Variants in OSBPL1A observed in about 807,000 individuals in gnomAD.
The protein encoded by OSBPL1A is oxysterol binding protein like 1A.
A neutral mutation model predicts 137.1 loss-of-function variants in OSBPL1A; 80 were observed. The ratio of observed to expected loss-of-function variants is 0.58; its 90% CI spans 0.49 to 0.70. The LOEUF is 0.70. OSBPL1A is among the 30% of genes least tolerant of loss of function. OSBPL1A has a pLI of 0.00. For missense variants in OSBPL1A, 970 were observed against 1,129.4 expected (o/e 0.86, Z 2.02); for synonymous variants, 365 against 389.7 (o/e 0.94, Z 0.75).
intron 14 of OSBPL1A, among the ~76,000 whole-genome samples, chr18:24,283,942 C>A (rs2090015480): frequency 6.6e-6 from 1 of 151,696 alleles, no homozygotes; most frequent in Admixed American, 6.6e-5. Flanking sequence ...AAAAAATATT[C>A]CAAATATATA....
intron 1 of OSBPL1A, among the ~76,000 whole-genome samples, chr18:24,379,660 GAGTTTGAGACC>G (rs1229602643): frequency 1.3e-5 from 2 of 151,940 alleles, no homozygotes; most frequent in African/African-American, 4.8e-5. Context: ...TTGAGGCCAG[GAGTTTGAGACC>G]AGCCTAATAC....
At chr18:24,260,701 G>T (rs76387937) in intron 15 of OSBPL1A, among the ~76,000 whole-genome samples, 1 of 152,112 alleles carries the variant, frequency 6.6e-6, no homozygotes, top group East Asian at 1.9e-4. Context: ...GTGGAATGAT[G>T]AAAATGTTTT....
intron 17 of OSBPL1A, among the ~76,000 whole-genome samples, chr18:24,218,804 ATAGTT>A (rs1222352167): frequency 8.5e-5 from 13 of 152,214 alleles, no homozygotes; most frequent in African/African-American, 2.7e-4. Flanking sequence ...ACTAGAGAGT[ATAGTT>A]TAAAGTGTTC....
intron 14 of OSBPL1A, 86 bp downstream of exon 14, chr18:24,303,551 G>C (rs974208639): frequency 1.8e-6 from 2 of 1,104,552 alleles, no homozygotes; most frequent in Non-Finnish European, 2.6e-6. Context: ...ACCAAAAACT[G>C]TTTAAAAATG....
intron 1 of OSBPL1A, among the ~76,000 whole-genome samples, chr18:24,382,433 T>C (rs780783298): frequency 2.1e-4 from 30 of 143,298 alleles, no homozygotes; most frequent in Non-Finnish European, 4.1e-4. Flanking sequence ...AAAAATTTGC[T>C]GGGCATAGTG....
chr18:24,208,447 G>A (rs2087435972), intron 17 of OSBPL1A, among the ~76,000 whole-genome samples: 1 of 152,162 alleles, frequency 6.6e-6, no homozygotes, highest in Admixed American at 6.5e-5. Context: ...AAATTCCATT[G>A]TTAGAAATTT....
rs561033321 is a variant in OSBPL1A, at chr18:24,259,129, G to A, written c.1282-19747C>T. Among the ~76,000 whole-genome samples the A allele has an allele frequency of 2.5e-4, 38 of 151,754 alleles. No individual in the cohort carries two copies. In the South Asian group the frequency reaches 7.3e-3, roughly 29 times the overall value. ...AGAGACGGGGTTTCACCATGGTCTC[G>A]ATCTCCTGACCTCGTGATCCGCCTG... On this transcript the variant is annotated intron_variant, in intron 15 of 27. Transcript: ENST00000319481.
chr18:24,206,237 C>T (rs1013436332), intron 17 of OSBPL1A, among the ~76,000 whole-genome samples: 6 of 152,152 alleles, frequency 3.9e-5, no homozygotes, highest in Non-Finnish European at 8.8e-5. Context: ...TGGCTGTCAC[C>T]TGGGACCAGA....
chr18:24,273,538 G>C (rs543834968), intron 15 of OSBPL1A, among the ~76,000 whole-genome samples: 1 of 152,188 alleles, frequency 6.6e-6, no homozygotes, highest in Non-Finnish European at 1.5e-5. Context: ...ATATTCATTT[G>C]TTCAAGGTCG....
At chr18:24,201,570 C>G (rs1011684973) in intron 17 of OSBPL1A, among the ~76,000 whole-genome samples, 1 of 152,124 alleles carries the variant, frequency 6.6e-6, no homozygotes, top group Non-Finnish European at 1.5e-5. Context: ...TGAGACCAGC[C>G]TGGCCAACAT....
intron 7 of OSBPL1A, among the ~76,000 whole-genome samples, chr18:24,329,111 G>C (rs957523343): frequency 2.0e-5 from 3 of 152,178 alleles, no homozygotes; most frequent in African/African-American, 7.2e-5. Flanking sequence ...GCCAGACATA[G>C]TGGCATGCAT....
intron 27 of OSBPL1A, among the ~76,000 whole-genome samples, chr18:24,163,631 T>C (rs930123393): frequency 1.3e-5 from 2 of 152,200 alleles, no homozygotes; most frequent in Non-Finnish European, 2.9e-5. Flanking sequence ...AGGCATTTTT[T>C]TAAGTAGTTG....
At chr18:24,178,794 A>T (rs996811539) in intron 20 of OSBPL1A, among the ~76,000 whole-genome samples, 79 of 152,320 alleles carry the variant, frequency 5.2e-4, no homozygotes, top group Middle Eastern at 3.4e-3. Flanking sequence ...ACATTAGAGA[A>T]ATCTAGTGTG....
At chr18:24,328,417 T>C (rs979554475) in intron 7 of OSBPL1A, among the ~76,000 whole-genome samples, 1 of 151,938 alleles carries the variant, frequency 6.6e-6, no homozygotes, top group African/African-American at 2.4e-5. Flanking sequence ...TCCTTTTCCA[T>C]TGACTGTCTT....
intron 14 of OSBPL1A, among the ~76,000 whole-genome samples, chr18:24,294,019 T>A (rs940696718): frequency 2.0e-5 from 3 of 152,154 alleles, no homozygotes; most frequent in African/African-American, 7.2e-5. Context: ...CAGTTTTAAG[T>A]AGGCTAAATA....
At position 24,318,631 on chromosome 18, in the gene OSBPL1A, T is replaced by A. The variant is rs201971268; in HGVS notation, c.702A>T (p.Ala234=). 1.2e-6 allele frequency: 2 copies of A among 1,610,424 alleles called. No individual in the cohort carries two copies. Among genetic ancestry groups the A allele is most frequent in the Admixed American group, 1.7e-5 (1 of 59,822 alleles). Residue 234 remains alanine (A), a synonymous_variant, in exon 9 of 28, where the codon GCA becomes GCT. Transcript: ENST00000319481. ...AGAGAGGGCCCTCATATCGTTTCAATGCTTTGTAGATGACCTGTCAAAAAC... is the reference window on the plus strand; with the variant it reads ...AGAGAGGGCCCTCATATCGTTTCAAAGCTTTGTAGATGACCTGTCAAAAAC... The part of the protein sequence containing the change: ...ILVGNKVIYK[A]LKRYEGPLWK...
chr18:24,301,052 T>C (rs1176793956), intron 14 of OSBPL1A, among the ~76,000 whole-genome samples: 1 of 152,100 alleles, frequency 6.6e-6, no homozygotes, highest in Non-Finnish European at 1.5e-5. Context: ...GTACAAACCC[T>C]TGACAGTAAG....
rs566602673 is a variant in OSBPL1A, at chr18:24,389,203, C to T, written c.-3+8452G>A. Among the ~76,000 whole-genome samples, 547 of 152,254 alleles carry T rather than the reference C, an allele frequency of 3.6e-3. 5 individuals are homozygous for T. Among genetic ancestry groups the T allele is most frequent in the African/African-American group, 0.012 (518 of 41,556 alleles). On this transcript the variant is annotated intron_variant, in intron 1 of 27. Coordinates refer to ENST00000319481, the MANE Select transcript of OSBPL1A (RefSeq NM_080597.4). ...TTTTCAGCTGCTCTTCTCACATTCA[C>T]GCAATTCCAAGCTCTGTTTTTAGAT... is the stretch of plus-strand genomic sequence containing the variant.
chr18:24,371,475 T>C (rs73394394), intron 2 of OSBPL1A, among the ~76,000 whole-genome samples: 1 of 152,254 alleles, frequency 6.6e-6, no homozygotes, highest in African/African-American at 2.4e-5. Context: ...CCTCCCGAGG[T>C]CTAAGACTAA....
Sources: gnomAD v4.1 joint callset for allele counts (sites outside exome capture counted in the v4.1 genomes callset) on GRCh38, gnomAD v4.1.1 for gene constraint, MANE v1.5 for transcripts, NCBI Gene and HGNC (gene_info 2026-07-23, HGNC 2026-07-21) for gene names.